The following SEC22B variants were observed in gnomAD, a reference collection of about 807,000 sequenced individuals.
SEC22B encodes SEC22 homolog B, vesicle trafficking protein, also known as vesicle-trafficking protein SEC22b.
Under a neutral mutation model 31.4 loss-of-function variants are expected in SEC22B, and 10 were observed. The ratio of observed to expected loss-of-function variants is 0.32; its 90% CI spans 0.20 to 0.54. The LOEUF is 0.54. Among genes scored for constraint, SEC22B ranks in the 20% least tolerant of loss-of-function variants. The pLI, the probability that SEC22B is intolerant of heterozygous loss-of-function variation, is 0.94. For missense variants in SEC22B, 130 were observed against 263.4 expected, an observed-to-expected ratio of 0.49 and a Z score of 3.50; for synonymous variants, 60 against 95.9, an observed-to-expected ratio of 0.63 and a Z score of 2.19.
chr1:120,171,100 A>G (rs1657890166), intron 1 of SEC22B, among the ~76,000 whole-genome samples: 1 of 132,188 alleles, frequency 7.6e-6, no homozygotes. Flanking sequence ...CATTTGGGGA[A>G]ATCTCAAAAA....
chr1:120,162,948 A>G (rs1213086113), intron 3 of SEC22B, among the ~76,000 whole-genome samples: 5 of 152,186 alleles, frequency 3.3e-5, no homozygotes, highest in Non-Finnish European at 5.9e-5. Context: ...GACTCTAAAG[A>G]AGAATCAAAC....
At chr1:120,159,649 G>T (rs1268134454) in intron 4 of SEC22B, among the ~76,000 whole-genome samples, 6 of 151,888 alleles carry the variant, frequency 4.0e-5, no homozygotes, top group Non-Finnish European at 8.8e-5. Flanking sequence ...ATGTTATTAA[G>T]TGCTTTAGGA....
Position 120,154,418 on chromosome 1 carries a change from C to T in SEC22B, c.*2620G>A, listed in dbSNP as rs1428707600. 6.6e-6 allele frequency: 1 copy of T among 151,634 alleles called. No homozygotes were observed. Among genetic ancestry groups the T allele is most frequent in the African/African-American group, 2.4e-5 (1 of 41,304 alleles). 9.4% of individuals were successfully genotyped at this position (151,634 alleles called of 1,614,324 possible). A position where few individuals can be genotyped will look rare whatever the true frequency, so the allele number is the denominator to read the frequency against. On this transcript the variant is annotated 3_prime_UTR_variant, in exon 5 of 5. Transcript: ENST00000578049. The stretch of plus-strand genomic sequence containing the variant: ...CTTTGGTCAGTGTGAGAAATAAGCT[C>T]CTAACAAAGAAAGTGTTATGTAATA...
intron 2 of SEC22B, among the ~76,000 whole-genome samples, chr1:120,163,945 C>CTTTTTT (rs1169530604): frequency 1.3e-3 from 88 of 68,898 alleles, no homozygotes; most frequent in African/African-American, 4.0e-3. Flanking sequence ...ATTAGATTCT[C>CTTTTTT]TTTTTTTTTT....
intron 1 of SEC22B, among the ~76,000 whole-genome samples, chr1:120,174,309 G>A (rs1366083002): frequency 1.4e-3 from 219 of 152,270 alleles, no homozygotes; most frequent in Non-Finnish European, 2.5e-3. Flanking sequence ...TGTAGTAGGC[G>A]CTTTTATAAA....
At chr1:120,176,002 G>GAATTTTAAC (rs1475075026) in intron 1 of SEC22B, among the ~76,000 whole-genome samples, 1 of 152,142 alleles carries the variant, frequency 6.6e-6, no homozygotes, top group African/African-American at 2.4e-5. Context: ...TAGAAATCCT[G>GAATTTTAAC]AATTTTAACA....
At chr1:120,157,467 T>C (rs1657646771) in intron 4 of SEC22B, 1 of 255,028 alleles carries the variant, frequency 3.9e-6, no homozygotes, top group Non-Finnish European at 7.4e-6. Flanking sequence ...GTGACATTGG[T>C]CAAGTCATGT....
At position 120,163,304 on chromosome 1, in the gene SEC22B, A is replaced by G. The variant is rs1657749160; in HGVS notation, c.252T>C (p.Ala84=). 10 of 1,608,656 alleles carry G rather than the reference A, an allele frequency of 6.2e-6. No individual in the cohort carries two copies. Among genetic ancestry groups the G allele is most frequent in the Non-Finnish European group, 8.5e-6 (10 of 1,176,820 alleles). The change falls in exon 3 of 5, where the codon GCT becomes GCC. Residue 84 remains alanine, a synonymous_variant. Coordinates refer to ENST00000578049, the MANE Select transcript of SEC22B (RefSeq NM_004892.6). ...AGTGCAAATCTTCTAGGTAGGCAAA[A>G]GCCAACTTCTTAGGGAAGGCAGCTT... ...LCEAAFPKKL[A]FAYLEDLHSE...
chr1:120,168,928 A>T lies in SEC22B; in HGVS notation c.97T>A (p.Tyr33Asn). ...DEQSGRDLQQ[Y>N]QSQAKQLFRK... is the part of the protein sequence containing the mutation. ...AAGAGTTGCTTAGCCTGACTCTGAT[A>T]TTGTTGAAGGTCCCGGCCAGACTGA... is the stretch of plus-strand genomic sequence containing the variant. Residue 33 changes from tyrosine to asparagine, a missense_variant, in exon 2 of 5, where the codon TAT becomes AAT. Transcript: ENST00000578049. 7.6e-7 allele frequency: 1 copy of T among 1,317,542 alleles called. No homozygotes were observed. The highest frequency in any genetic ancestry group is 1.6e-5 in the South Asian group (1 of 61,234). 81.6% of individuals were successfully genotyped at this position (1,317,542 alleles called of 1,614,324 possible). A position where few individuals can be genotyped will look rare whatever the true frequency, so the allele number is the denominator to read the frequency against.
intron 2 of SEC22B, among the ~76,000 whole-genome samples, chr1:120,166,390 GTT>G (rs1657808403): frequency 5.7e-4 from 59 of 102,892 alleles, no homozygotes; most frequent in African/African-American, 1.6e-3. Context: ...TTTTAAAAGT[GTT>G]TTTTACACAC....
In SEC22B at chr1:120,152,032, T is replaced by C. The variant is rs1657551257; in HGVS notation, c.*5006A>G. On this transcript the variant is annotated 3_prime_UTR_variant, in exon 5 of 5. Transcript: ENST00000578049. ...TGGAGGTATGCTTTAGATGCAATTA[T>C]TTATGGGATATTCAAAACAGATATA... 1 of 152,208 alleles carries C rather than the reference T, an allele frequency of 6.6e-6. No homozygotes were observed. Among genetic ancestry groups the C allele is most frequent in the Admixed American group, 6.5e-5 (1 of 15,268 alleles). 9.4% of individuals were successfully genotyped at this position (152,208 alleles called of 1,614,324 possible). A position where few individuals can be genotyped will look rare whatever the true frequency, so the allele number is the denominator to read the frequency against.
intron 2 of SEC22B, among the ~76,000 whole-genome samples, chr1:120,163,945 C>CTCTCTTTTTTT (rs1246293032): frequency 2.3e-4 from 16 of 68,922 alleles, no homozygotes; most frequent in South Asian, 2.2e-3. Flanking sequence ...ATTAGATTCT[C>CTCTCTTTTTTT]TTTTTTTTTT....
intron 2 of SEC22B, among the ~76,000 whole-genome samples, chr1:120,165,381 G>C (rs1449300990): frequency 1.3e-5 from 2 of 152,104 alleles, no homozygotes; most frequent in African/African-American, 4.8e-5. Flanking sequence ...TTGTGATGAT[G>C]AGCGCCCATG....
intron 3 of SEC22B, among the ~76,000 whole-genome samples, chr1:120,160,956 T>C (rs1657706310): frequency 6.6e-6 from 1 of 152,106 alleles, no homozygotes; most frequent in Non-Finnish European, 1.5e-5. Context: ...CTGTCCATGG[T>C]TAACCAAACT....
At chr1:120,169,239 T>A (rs1657857622) in intron 1 of SEC22B, among the ~76,000 whole-genome samples, 1 of 152,310 alleles carries the variant, frequency 6.6e-6, no homozygotes, top group East Asian at 1.9e-4. Context: ...AGGACAGTAC[T>A]CTCCTCCTAA....
chr1:120,153,105 C>T lies in SEC22B; in HGVS notation c.*3933G>A, dbSNP rs1309986714. 6.6e-6 allele frequency: 1 copy of T among 151,766 alleles called. No homozygotes were observed. 9.4% of individuals were successfully genotyped at this position (151,766 alleles called of 1,614,324 possible). On this transcript the variant is annotated 3_prime_UTR_variant, in exon 5 of 5. Coordinates refer to ENST00000578049, the MANE Select transcript of SEC22B (RefSeq NM_004892.6). The stretch of plus-strand genomic sequence containing the variant: ...TGAGAACTGAGTGACTACATTGCTT[C>T]AGATAGTTTTATACTGCTAGGTCAA...
Position 120,176,297 on chromosome 1 carries a change from A to G in SEC22B, c.75+10T>C. 1 of 1,608,774 alleles carries G rather than the reference A, an allele frequency of 6.2e-7. No individual in the cohort carries two copies. Among genetic ancestry groups the G allele is most frequent in the East Asian group, 2.2e-5 (1 of 44,804 alleles). ...GACTTGGGGTCGCGGGTCGTGAGTA[A>G]GCAGCTCACCTGTTCGTCCTCCTGC... On this transcript the variant is annotated intron_variant, in intron 1 of 4. Transcript: ENST00000578049.
intron 2 of SEC22B, 139 bp downstream of exon 2, chr1:120,168,701 T>C: frequency 3.0e-6 from 1 of 337,670 alleles, no homozygotes; most frequent in Non-Finnish European, 5.2e-6. Flanking sequence ...TTTTGTAGAA[T>C]TAGAGCCAGA....
At chr1:120,168,128 TG>T (rs1657841649) in intron 2 of SEC22B, among the ~76,000 whole-genome samples, 1 of 151,848 alleles carries the variant, frequency 6.6e-6, no homozygotes, top group Non-Finnish European at 1.5e-5. Context: ...GTCCCTAAAA[TG>T]GCAAAGATTA....
Sources: gnomAD v4.1 joint callset for allele counts (sites outside exome capture counted in the v4.1 genomes callset) on GRCh38, gnomAD v4.1.1 for gene constraint, MANE v1.5 for transcripts, NCBI Gene and HGNC (gene_info 2026-07-23, HGNC 2026-07-21) for gene names.